The following DPP6 variants were observed in gnomAD, a reference collection of about 807,000 sequenced individuals.
DPP6 encodes the protein A-type potassium channel modulatory protein DPP6.
DPP6 carries 69 observed loss-of-function variants against 122.6 expected under a neutral mutation model. That is an observed-to-expected ratio of 0.56 (90% CI 0.46 to 0.69). The LOEUF is 0.69. Among genes scored for constraint, DPP6 ranks in the 30% least tolerant of loss-of-function variants. The probability of loss-of-function intolerance (pLI) is 0.00; values close to 1 mark genes in which losing one functional copy is unlikely to be tolerated. For synonymous variants in DPP6, 418 were observed against 433.1 expected, an observed-to-expected ratio of 0.97 and a Z score of 0.43; for missense variants, 928 against 1,116.9, an observed-to-expected ratio of 0.83 and a Z score of 2.41.
intron 1 of DPP6, among the ~76,000 whole-genome samples, chr7:154,433,171 AG>A (rs1818581589): frequency 9.4e-6 from 1 of 106,376 alleles, no homozygotes; most frequent in Non-Finnish European, 1.7e-5. Context: ...TTTGAGACAG[AG>A]TCTCACTCTG....
rs139186509 is a variant in DPP6 at position 154,843,476 on chromosome 7, A to G, written c.1667-10304A>G. On this transcript the variant is annotated intron_variant, in intron 16 of 25. Transcript: ENST00000377770. ...TAGACCAGAACCTCTTTGTCGGTAC[A>G]GGCAGACACCATCTGCTTCCATCCT... Among the ~76,000 whole-genome samples, 285 of 152,280 alleles carry G rather than the reference A, an allele frequency of 1.9e-3. No homozygotes were observed. In the Middle Eastern group the frequency reaches 0.024, roughly 13 times the overall value.
At chr7:154,073,814 A>T (rs912813714) in intron 1 of DPP6, among the ~76,000 whole-genome samples, 3 of 152,112 alleles carry the variant, frequency 2.0e-5, no homozygotes, top group Non-Finnish European at 2.9e-5. Context: ...ATGAAACCCC[A>T]TCTCTACTAA....
chr7:154,029,317 C>A (rs2129054272), intron 1 of DPP6, among the ~76,000 whole-genome samples: 1 of 149,498 alleles, frequency 6.7e-6, no homozygotes, highest in South Asian at 2.1e-4. Context: ...GAGATCGAGA[C>A]CATCCTGGCT....
chr7:154,295,957 T>G (rs1264643450), intron 1 of DPP6, among the ~76,000 whole-genome samples: 4 of 150,086 alleles, frequency 2.7e-5, no homozygotes, highest in African/African-American at 9.8e-5. Context: ...TTTTTTTTTT[T>G]TTTTTGAGAC....
intron 7 of DPP6, among the ~76,000 whole-genome samples, chr7:154,716,159 G>A (rs555121033): frequency 6.6e-5 from 10 of 152,066 alleles, no homozygotes; most frequent in South Asian, 6.2e-4. Context: ...CCCCTCAGCC[G>A]TCATGGTGAT....
chr7:154,205,056 C>T (rs1395665770), intron 1 of DPP6, among the ~76,000 whole-genome samples: 1 of 152,140 alleles, frequency 6.6e-6, no homozygotes, highest in Non-Finnish European at 1.5e-5. Flanking sequence ...CCCTCTGGTC[C>T]TTCATTAGTC....
chr7:154,737,546 G>A (rs946073301), intron 8 of DPP6, among the ~76,000 whole-genome samples: 1 of 152,128 alleles, frequency 6.6e-6, no homozygotes, highest in East Asian at 1.9e-4. Context: ...TAGAGATGTG[G>A]AATTTTTAGA....
intron 1 of DPP6, among the ~76,000 whole-genome samples, chr7:154,013,467 T>TC (rs1292729625): frequency 1.3e-5 from 2 of 151,120 alleles, no homozygotes; most frequent in Admixed American, 1.3e-4. Context: ...TCTTTTTTTT[T>TC]TTTTTTTAAC....
chr7:154,008,530 A>G (rs1027774267), intron 1 of DPP6, among the ~76,000 whole-genome samples: 1 of 152,088 alleles, frequency 6.6e-6, no homozygotes, highest in Non-Finnish European at 1.5e-5. Flanking sequence ...ACACATTTCT[A>G]TGTAGAAGTA....
At chr7:154,207,247 C>G (rs983763715) in intron 1 of DPP6, among the ~76,000 whole-genome samples, 1 of 152,182 alleles carries the variant, frequency 6.6e-6, no homozygotes, top group Admixed American at 6.5e-5. Context: ...ACTGTGAAAA[C>G]CCAATCATAG....
chr7:153,863,039 C>T, the DPP6 span, among the ~76,000 whole-genome samples: 1 of 152,054 alleles, frequency 6.6e-6, no homozygotes, highest in Non-Finnish European at 1.5e-5. Flanking sequence ...GAATAATATC[C>T]TATCTTAAAC....
the DPP6 span, among the ~76,000 whole-genome samples, chr7:153,817,490 A>T: frequency 0.73 from 108,409 of 148,466 alleles, 40,357 homozygotes; most frequent in African/African-American, 0.87. Flanking sequence ...CACACACATG[A>T]CACAAACATC....
chr7:154,621,222 C>A (rs940571092), intron 5 of DPP6, among the ~76,000 whole-genome samples: 1 of 152,104 alleles, frequency 6.6e-6, no homozygotes, highest in Non-Finnish European at 1.5e-5. Context: ...GATTTGGAAG[C>A]CTGCTAAGAA....
intron 16 of DPP6, among the ~76,000 whole-genome samples, chr7:154,829,662 G>A (rs1452368034): frequency 1.3e-5 from 2 of 152,130 alleles, no homozygotes; most frequent in African/African-American, 4.8e-5. Flanking sequence ...TTCAGCAGAT[G>A]GGGGCTAGCT....
At chr7:154,661,558 A>G (rs1410054836) in intron 6 of DPP6, among the ~76,000 whole-genome samples, 3 of 99,726 alleles carry the variant, frequency 3.0e-5, no homozygotes, top group Non-Finnish European at 6.0e-5. Context: ...TAGTATTCAT[A>G]TAGTCATGGT....
chr7:154,824,853 C>T (rs577084444), intron 16 of DPP6, among the ~76,000 whole-genome samples: 62 of 152,306 alleles, frequency 4.1e-4, no homozygotes, highest in African/African-American at 1.5e-3. Flanking sequence ...GTGAACCCCT[C>T]TTTGTGTCAT....
Position 154,654,667 on chromosome 7 carries a change from C to T in DPP6, c.681-14693C>T, listed in dbSNP as rs564713063. The stretch of plus-strand genomic sequence containing the variant: ...TCCTGACCTTCTCTGATCCTCCTGC[C>T]TTGGCGTCCCAAAGTGCTGGGATTA... On this transcript the variant is annotated intron_variant, in intron 6 of 25. Transcript: ENST00000377770. 3.0e-4 allele frequency among the ~76,000 whole-genome samples: 45 copies of T among 152,084 alleles called. No individual in the cohort carries two copies. In the South Asian group the frequency reaches 7.1e-3, roughly 24 times the overall value.
chr7:154,637,994 G>T (rs914339888), intron 6 of DPP6, 121 bp downstream of exon 6: 3 of 1,135,038 alleles, frequency 2.6e-6, no homozygotes, highest in African/African-American at 1.6e-5. Flanking sequence ...ACAGCCAAGG[G>T]TGCTGGTATC....
At chr7:154,178,679 C>T (rs1797928988) in intron 1 of DPP6, among the ~76,000 whole-genome samples, 2 of 152,184 alleles carry the variant, frequency 1.3e-5, no homozygotes, top group African/African-American at 2.4e-5. Flanking sequence ...ATACACAGAT[C>T]ACGTTTATAT....
Sources: gnomAD v4.1 joint callset for allele counts (sites outside exome capture counted in the v4.1 genomes callset) on GRCh38, gnomAD v4.1.1 for gene constraint, MANE v1.5 for transcripts, NCBI Gene and HGNC (gene_info 2026-07-23, HGNC 2026-07-21) for gene names.